MAGI1: variants seen among roughly 807,000 people sequenced by gnomAD.
The protein encoded by MAGI1 is membrane associated guanylate kinase, WW and PDZ domain containing 1, also known as membrane-associated guanylate kinase, WW and PDZ domain-containing protein 1.
In MAGI1, 58 loss-of-function variants were observed where a neutral mutation model predicts 139.9. That is an observed-to-expected ratio of 0.41 (90% CI 0.34 to 0.52). MAGI1 has a LOEUF of 0.52. MAGI1 is among the 20% of genes least tolerant of loss of function. The pLI, the probability that MAGI1 is intolerant of heterozygous loss-of-function variation, is 0.12. For missense variants in MAGI1, 1,874 were observed against 1,901.6 expected, an observed-to-expected ratio of 0.99 and a Z score of 0.27; for synonymous variants, 812 against 737.9, an observed-to-expected ratio of 1.10 and a Z score of -1.63.
intron 1 of MAGI1, among the ~76,000 whole-genome samples, chr3:65,759,250 T>A (rs1175211792): frequency 1.3e-5 from 2 of 152,162 alleles, no homozygotes; most frequent in Non-Finnish European, 1.5e-5. Flanking sequence ...AATATTGAAC[T>A]GAGCTGCTAA....
At chr3:65,852,805 C>G (rs113140468) in intron 1 of MAGI1, among the ~76,000 whole-genome samples, 1 of 151,874 alleles carries the variant, frequency 6.6e-6, no homozygotes, top group Non-Finnish European at 1.5e-5. Context: ...ACCTGGCCAA[C>G]AACAAATTTT....
chr3:65,562,276 G>A (rs1339683496), intron 2 of MAGI1, among the ~76,000 whole-genome samples: 1 of 152,128 alleles, frequency 6.6e-6, no homozygotes, highest in Non-Finnish European at 1.5e-5. Flanking sequence ...TATCAAATCT[G>A]AGGCAACAAT....
intron 1 of MAGI1, among the ~76,000 whole-genome samples, chr3:65,684,335 C>G (rs938369339): frequency 2.6e-5 from 4 of 152,078 alleles, no homozygotes; most frequent in Non-Finnish European, 4.4e-5. Flanking sequence ...TAGCTAAAAA[C>G]TAGAATCAGC....
At chr3:65,802,898 T>C (rs530325573) in intron 1 of MAGI1, among the ~76,000 whole-genome samples, 132 of 128,798 alleles carry the variant, frequency 1.0e-3, no homozygotes, top group Middle Eastern at 4.1e-3. Context: ...GTGTCTTTTG[T>C]TGGCATCTAA....
At position 65,752,363 on chromosome 3, in the gene MAGI1, A is replaced by G. The variant is rs577567706; in HGVS notation, c.314-130275T>C. ...TTTAATTTTCTTCTATAAGATGAGG[A>G]AATGCCTACTTAGGTTTGGTGTGAG... On this transcript the variant is annotated intron_variant, in intron 1 of 22. Coordinates refer to ENST00000402939, the MANE Select transcript of MAGI1 (RefSeq NM_001033057.2). Among the ~76,000 whole-genome samples the G allele has an allele frequency of 6.6e-5, 10 of 152,332 alleles. No individual in the cohort carries two copies. The South Asian group carries it at 2.1e-3, about 32-fold the overall frequency.
chr3:65,941,721 T>C lies in MAGI1; in HGVS notation c.313+96275A>G, dbSNP rs138745083. On this transcript the variant is annotated intron_variant, in intron 1 of 22. Transcript: ENST00000402939. ...TCTCTCATAAATGAAGAAAATAACATCCTCAGAAATAAGAACTGTTTCCCA... is the reference window on the plus strand; with the variant it reads ...TCTCTCATAAATGAAGAAAATAACACCCTCAGAAATAAGAACTGTTTCCCA... Among the ~76,000 whole-genome samples the C allele has an allele frequency of 4.0e-5, 6 of 149,842 alleles. No individual in the cohort carries two copies. The East Asian group carries it at 1.2e-3, about 30-fold the overall frequency.
chr3:65,697,362 T>A (rs1228795733), intron 1 of MAGI1, among the ~76,000 whole-genome samples: 3 of 149,482 alleles, frequency 2.0e-5, no homozygotes, highest in African/African-American at 7.4e-5. Context: ...GAATCCTCCC[T>A]AACTCATTTT....
At chr3:65,914,973 T>C (rs1236354318) in intron 1 of MAGI1, among the ~76,000 whole-genome samples, 2 of 152,232 alleles carry the variant, frequency 1.3e-5, no homozygotes, top group Non-Finnish European at 2.9e-5. Flanking sequence ...TCTCAGCATG[T>C]AGTAGGCACT....
At chr3:65,369,452 G>C (rs1008292946) in intron 18 of MAGI1, among the ~76,000 whole-genome samples, 8 of 151,960 alleles carry the variant, frequency 5.3e-5, no homozygotes, top group Non-Finnish European at 1.0e-4. Context: ...ACAAAGGGCA[G>C]AGCATCTTTT....
chr3:65,357,565 C>G (rs780092313), intron 22 of MAGI1, among the ~76,000 whole-genome samples: 4 of 128,880 alleles, frequency 3.1e-5, no homozygotes, highest in Non-Finnish European at 6.3e-5. Flanking sequence ...TTAAAGAATA[C>G]TTGTTTTGAT....
chr3:65,644,871 C>T (rs1244236142), intron 1 of MAGI1, among the ~76,000 whole-genome samples: 1 of 151,870 alleles, frequency 6.6e-6, no homozygotes, highest in Non-Finnish European at 1.5e-5. Context: ...GTGACGCACA[C>T]CTATAATCCC....
chr3:65,925,357 G>A (rs1006910293), intron 1 of MAGI1: 1 of 151,924 alleles, frequency 6.6e-6, no homozygotes, highest in African/African-American at 2.4e-5. Context: ...CAAAAAGCTG[G>A]CTGAAAGGCC....
chr3:65,390,793 T>C (rs1398855714), intron 14 of MAGI1, among the ~76,000 whole-genome samples: 2 of 152,242 alleles, frequency 1.3e-5, no homozygotes, highest in African/African-American at 4.8e-5. Context: ...TTAAGTTCTG[T>C]TGCATATCAG....
intron 1 of MAGI1, among the ~76,000 whole-genome samples, chr3:65,730,488 T>TC (rs1398075146): frequency 2.0e-5 from 3 of 152,122 alleles, no homozygotes; most frequent in Admixed American, 6.5e-5. Context: ...CTCTTCTACT[T>TC]CCCCTCACGT....
chr3:66,035,396 C>T (rs919979786), intron 1 of MAGI1, among the ~76,000 whole-genome samples: 5 of 152,156 alleles, frequency 3.3e-5, no homozygotes, highest in Non-Finnish European at 7.3e-5. Flanking sequence ...TTACCATATA[C>T]CAAGTATGAG....
chr3:65,859,109 G>C (rs2059461519), intron 1 of MAGI1, among the ~76,000 whole-genome samples: 1 of 152,148 alleles, frequency 6.6e-6, no homozygotes, highest in Non-Finnish European at 1.5e-5. Flanking sequence ...GAGGTGTGCA[G>C]ATCACTTGCG....
intron 7 of MAGI1, among the ~76,000 whole-genome samples, chr3:65,443,583 T>C (rs552022480): frequency 6.6e-6 from 1 of 152,326 alleles, no homozygotes; most frequent in South Asian, 2.1e-4. Context: ...GCCAAAACTT[T>C]ATTAAACAGG....
chr3:66,025,297 G>C (rs1437591913), intron 1 of MAGI1, among the ~76,000 whole-genome samples: 1 of 152,148 alleles, frequency 6.6e-6, no homozygotes, highest in Non-Finnish European at 1.5e-5. Flanking sequence ...CCAGCACTTT[G>C]GGAGGCCAAG....
intron 1 of MAGI1, among the ~76,000 whole-genome samples, chr3:65,736,403 A>G (rs552286062): frequency 6.6e-6 from 1 of 152,304 alleles, no homozygotes. Flanking sequence ...GATATATAAG[A>G]AGAAGTTTAT....
Sources: gnomAD v4.1 joint callset for allele counts (sites outside exome capture counted in the v4.1 genomes callset) on GRCh38, gnomAD v4.1.1 for gene constraint, MANE v1.5 for transcripts, NCBI Gene and HGNC (gene_info 2026-07-23, HGNC 2026-07-21) for gene names.